Variants in CDH23 observed in about 807,000 individuals in gnomAD.
CDH23 encodes cadherin-23.
CDH23 carries 189 observed loss-of-function variants against 317.1 expected under a neutral mutation model. That is an observed-to-expected ratio of 0.60 (90% CI 0.53 to 0.67). The LOEUF (loss-of-function observed/expected upper bound fraction) is 0.67. CDH23 is among the 30% of genes least tolerant of loss of function. The probability of loss-of-function intolerance (pLI) is 0.00; values close to 1 mark genes in which losing one functional copy is unlikely to be tolerated. For missense variants in CDH23, 4,401 were observed against 4,592.4 expected, an observed-to-expected ratio of 0.96 and a Z score of 1.20; for synonymous variants, 1,839 against 1,876.8, an observed-to-expected ratio of 0.98 and a Z score of 0.52.
At chr10:71,774,024 T>C (rs2132918103) in intron 38 of CDH23, among the ~76,000 whole-genome samples, 1 of 149,366 alleles carries the variant, frequency 6.7e-6, no homozygotes, top group Admixed American at 6.7e-5. Context: ...ATTCAGAGCC[T>C]GAGGCACCCT....
At chr10:71,613,656 G>A (rs1207169224) in intron 9 of CDH23, among the ~76,000 whole-genome samples, 5 of 152,222 alleles carry the variant, frequency 3.3e-5, no homozygotes, top group African/African-American at 9.7e-5. Context: ...AAAGTTAGAA[G>A]AGGAAATTGC....
At position 71,724,848 on chromosome 10, in the gene CDH23, T is replaced by C. The variant is rs147366129; in HGVS notation, c.3431-524T>C. Among the ~76,000 whole-genome samples the C allele has an allele frequency of 1.2e-4, 19 of 152,348 alleles. No homozygotes were observed. The East Asian group carries it at 3.1e-3, about 25-fold the overall frequency. On this transcript the variant is annotated intron_variant, in intron 29 of 69. Transcript: ENST00000224721. Reference sequence around the variant, plus strand: ...GTAAAGTCACTGCCCACAAATGTTATGGACTGACAGTAGAGGAGAGTAGAT... The same window carrying C: ...GTAAAGTCACTGCCCACAAATGTTACGGACTGACAGTAGAGGAGAGTAGAT...
intron 37 of CDH23, 86 bp from the exon 38 acceptor site, chr10:71,741,608 G>A: frequency 8.8e-7 from 1 of 1,138,682 alleles, no homozygotes; most frequent in Non-Finnish European, 1.3e-6. Flanking sequence ...GAGGTACAGG[G>A]GGAGCCTTCG....
At chr10:71,761,805 C>CGATGGAGGTAGG in intron 38 of CDH23, 1 of 1,614,122 alleles carries the variant, frequency 6.2e-7, no homozygotes, top group Non-Finnish European at 8.5e-7. Context: ...TGGTGGCCTC[C>CGATGGAGGTAGG]ATGGTGCAGG....
At chr10:71,604,733 C>T (rs2132485366) in intron 9 of CDH23, among the ~76,000 whole-genome samples, 1 of 152,354 alleles carries the variant, frequency 6.6e-6, no homozygotes, top group Non-Finnish European at 1.5e-5. Context: ...CTCCTCCAGC[C>T]TCCTGCAGAA....
At chr10:71,730,069 C>T (rs996915099) in intron 30 of CDH23, among the ~76,000 whole-genome samples, 5 of 152,068 alleles carry the variant, frequency 3.3e-5, no homozygotes, top group African/African-American at 4.8e-5. Context: ...CTTCTGACCT[C>T]GTGATCTGCC....
chr10:71,626,520 C>CA, intron 11 of CDH23, among the ~76,000 whole-genome samples: 1 of 152,348 alleles, frequency 6.6e-6, no homozygotes, highest in South Asian at 2.1e-4. Flanking sequence ...AGCATCTGCT[C>CA]AGTGGGAGAG....
chr10:71,583,677 C>G (rs528377717), intron 9 of CDH23, among the ~76,000 whole-genome samples: 10 of 152,198 alleles, frequency 6.6e-5, no homozygotes, highest in Non-Finnish European at 1.3e-4. Context: ...GTTTCCCCAT[C>G]TGCTGTCGTC....
intron 38 of CDH23, among the ~76,000 whole-genome samples, chr10:71,772,183 T>C (rs1840700776): frequency 6.6e-6 from 1 of 152,184 alleles, no homozygotes; most frequent in Non-Finnish European, 1.5e-5. Context: ...CTCCTCCTCC[T>C]CAGAGGCCCA....
intron 31 of CDH23, among the ~76,000 whole-genome samples, chr10:71,731,005 G>T (rs1839360543): frequency 6.6e-6 from 1 of 152,240 alleles, no homozygotes; most frequent in South Asian, 2.1e-4. Context: ...ACCAGCTCAG[G>T]GCCTAGCACA....
At chr10:71,485,688 G>A (rs1852311269) in intron 3 of CDH23, among the ~76,000 whole-genome samples, 1 of 152,214 alleles carries the variant, frequency 6.6e-6, no homozygotes, top group African/African-American at 2.4e-5. Flanking sequence ...GAACAGATTG[G>A]GGCTGTGTGG....
chr10:71,401,014 G>A (rs577005365), intron 1 of CDH23, among the ~76,000 whole-genome samples: 15 of 152,158 alleles, frequency 9.9e-5, no homozygotes, highest in East Asian at 5.8e-4. Context: ...TCCTCTTGGC[G>A]CTGGGGCAAT....
chr10:71,453,972 C>G (rs757416960), intron 3 of CDH23, among the ~76,000 whole-genome samples: 2 of 152,118 alleles, frequency 1.3e-5, no homozygotes, highest in Non-Finnish European at 2.9e-5. Context: ...TAATAAGTGC[C>G]CAGGAGAAAT....
At chr10:71,716,288 AG>A in intron 28 of CDH23, 1 of 1,526,342 alleles carries the variant, frequency 6.6e-7, no homozygotes, top group Non-Finnish European at 8.8e-7. Flanking sequence ...GAGAAAGGCG[AG>A]GGGGCTGATG....
intron 38 of CDH23, among the ~76,000 whole-genome samples, chr10:71,760,238 CATATATATGTATGTATATATATGTAT>C (rs1564780282): frequency 9.6e-5 from 2 of 20,888 alleles, no homozygotes; most frequent in African/African-American, 1.6e-4. Flanking sequence ...TATGTATATA[CATATATATGTATGTATATATATGTAT>C]ATACATATAT....
intron 11 of CDH23, chr10:71,635,129 A>T (rs1272969638): frequency 6.6e-6 from 1 of 152,568 alleles, no homozygotes; most frequent in Non-Finnish European, 1.5e-5. Context: ...TAAGATTCCC[A>T]TAGTGCACTG....
At chr10:71,438,347 C>CAAAAAAAAAAAAAAAAAAAAAAAAAAA (rs10596696) in intron 1 of CDH23, among the ~76,000 whole-genome samples, 25 of 98,322 alleles carry the variant, frequency 2.5e-4, no homozygotes, top group East Asian at 6.4e-4. Context: ...CTGTCTCAAA[C>CAAAAAAAAAAAAAAAAAAAAAAAAAAA]AAAAAAAAAA....
rs1841724833 is a variant in CDH23 at position 71,806,396 on chromosome 10, C to T, written c.8178+115C>T. 4.2e-6 allele frequency: 3 copies of T among 715,694 alleles called. No individual in the cohort carries two copies. In the South Asian group the frequency reaches 4.6e-5, roughly 11 times the overall value. 44.3% of individuals were successfully genotyped at this position (715,694 alleles called of 1,614,324 possible). ...ATACACATTTGGCTAGACACGGAAA[C>T]ATGTCTGCATGCACTTCATGCAAGA... On this transcript the variant is annotated intron_variant, in intron 57 of 69. Transcript: ENST00000224721.
At chr10:71,451,386 C>T (rs565619642) in intron 3 of CDH23, among the ~76,000 whole-genome samples, 1 of 152,232 alleles carries the variant, frequency 6.6e-6, no homozygotes, top group African/African-American at 2.4e-5. Flanking sequence ...CCGTGTTCCT[C>T]AATGGCAACC....
Sources: gnomAD v4.1 joint callset for allele counts (sites outside exome capture counted in the v4.1 genomes callset) on GRCh38, gnomAD v4.1.1 for gene constraint, MANE v1.5 for transcripts, NCBI Gene and HGNC (gene_info 2026-07-23, HGNC 2026-07-21) for gene names.